The following CADM2 variants were observed in gnomAD, a reference collection of about 807,000 sequenced individuals.
CADM2 encodes the protein immunoglobulin superfamily member 4D.
Under a neutral mutation model 49.8 loss-of-function variants are expected in CADM2, and 12 were observed. The observed-to-expected ratio is 0.24, with a 90% confidence interval of 0.15 to 0.39. CADM2 has a LOEUF of 0.39. Ranked by LOEUF, CADM2 falls within the 10% of genes least tolerant of loss-of-function variation. CADM2 has a pLI of 1.00. For missense variants in CADM2, 378 were observed against 492.3 expected (o/e 0.77, Z 2.20); for synonymous variants, 214 against 175.4 (o/e 1.22, Z -1.74).
intron 1 of CADM2, among the ~76,000 whole-genome samples, chr3:85,549,664 C>A (rs1460350512): frequency 6.6e-6 from 1 of 152,108 alleles, no homozygotes; most frequent in South Asian, 2.1e-4. Flanking sequence ...GTCTCTGTCA[C>A]CCAGGCTGGA....
intron 1 of CADM2, among the ~76,000 whole-genome samples, chr3:85,240,944 G>T (rs952385447): frequency 2.0e-5 from 3 of 151,394 alleles, no homozygotes; most frequent in Non-Finnish European, 4.4e-5. Flanking sequence ...AGGGTAATTG[G>T]CAGATTCATT....
chr3:85,799,301 T>C (rs924723141), intron 2 of CADM2, among the ~76,000 whole-genome samples: 36 of 152,180 alleles, frequency 2.4e-4, no homozygotes, highest in African/African-American at 6.3e-4. Context: ...GAATTTCCAA[T>C]ACTATGTTGA....
intron 3 of CADM2, among the ~76,000 whole-genome samples, chr3:85,847,496 A>G (rs912907423): frequency 1.3e-5 from 2 of 152,224 alleles, no homozygotes; most frequent in African/African-American, 4.8e-5. Context: ...AATTTGTACA[A>G]TGGTGGATTT....
chr3:85,347,223 CAAAAAA>C (rs11331703), intron 1 of CADM2, among the ~76,000 whole-genome samples: 11 of 46,148 alleles, frequency 2.4e-4, no homozygotes, highest in Non-Finnish European at 2.8e-4. Flanking sequence ...CTCTGTCTCA[CAAAAAA>C]AAAAAAAAAA....
At chr3:85,640,575 G>T (rs187811826) in intron 1 of CADM2, among the ~76,000 whole-genome samples, 2 of 152,128 alleles carry the variant, frequency 1.3e-5, no homozygotes, top group Non-Finnish European at 2.9e-5. Flanking sequence ...TTAGGGAACA[G>T]CAAGACGTTT....
chr3:85,771,266 A>G (rs7621179), intron 2 of CADM2, among the ~76,000 whole-genome samples: 8,118 of 152,196 alleles, frequency 0.053, 378 homozygotes, highest in East Asian at 0.19. Context: ...TCTTAAACCC[A>G]TTGGTCAATT....
At chr3:85,910,990 A>C (rs572266236) in intron 5 of CADM2, among the ~76,000 whole-genome samples, 1 of 152,254 alleles carries the variant, frequency 6.6e-6, no homozygotes, top group South Asian at 2.1e-4. Flanking sequence ...TAAGGCACAA[A>C]GATAGAAAAA....
chr3:85,855,028 TC>T (rs1029448033), intron 3 of CADM2, among the ~76,000 whole-genome samples: 8 of 152,104 alleles, frequency 5.3e-5, no homozygotes, highest in African/African-American at 1.9e-4. Context: ...TCAGACCTCA[TC>T]AAAGGTCTCT....
chr3:85,042,160 T>A (rs2035467737), intron 1 of CADM2, among the ~76,000 whole-genome samples: 1 of 152,120 alleles, frequency 6.6e-6, no homozygotes, highest in Admixed American at 6.6e-5. Context: ...CAATGCATAC[T>A]CAGGGGTGTG....
At position 86,015,111 on chromosome 3, in the gene CADM2, G is replaced by A. The variant is rs770449233; in HGVS notation, c.971-50494G>A. ...TCCCACAGATAATTCCAAAACCATC[G>A]AAAATACCTAGGAGAGTTTTAAAAA... On this transcript the variant is annotated intron_variant, in intron 8 of 9. Coordinates refer to ENST00000383699, the MANE Select transcript of CADM2 (RefSeq NM_001167675.2). 533 of 557,478 alleles carry A rather than the reference G, an allele frequency of 9.6e-4. 2 individuals are homozygous for A. The highest frequency in any genetic ancestry group is 1.1e-3 in the East Asian group (36 of 33,358). 34.5% of individuals were successfully genotyped at this position (557,478 alleles called of 1,614,324 possible). A position where few individuals can be genotyped will look rare whatever the true frequency, so the allele number is the denominator to read the frequency against.
At chr3:85,351,736 C>G (rs779640259) in intron 1 of CADM2, among the ~76,000 whole-genome samples, 8 of 151,976 alleles carry the variant, frequency 5.3e-5, no homozygotes, top group Non-Finnish European at 1.0e-4. Flanking sequence ...GTTTTTAAAG[C>G]CTGGGCCTGT....
At chr3:85,304,258 A>G (rs532836915) in intron 1 of CADM2, among the ~76,000 whole-genome samples, 1 of 151,640 alleles carries the variant, frequency 6.6e-6, no homozygotes, top group South Asian at 2.1e-4. Flanking sequence ...TTCTTACCGT[A>G]CTCCTTCATG....
At chr3:85,229,790 C>T (rs2042244183) in intron 1 of CADM2, among the ~76,000 whole-genome samples, 1 of 152,150 alleles carries the variant, frequency 6.6e-6, no homozygotes. Flanking sequence ...CAAGTGTGAA[C>T]AACCTTTCTT....
At chr3:85,444,757 C>T (rs2037368448) in intron 1 of CADM2, among the ~76,000 whole-genome samples, 1 of 152,072 alleles carries the variant, frequency 6.6e-6, no homozygotes, top group Admixed American at 6.6e-5. Flanking sequence ...GAATGTCAGA[C>T]TTTTTGTCAT....
chr3:85,292,208 G>T (rs989947141), intron 1 of CADM2, among the ~76,000 whole-genome samples: 24 of 149,624 alleles, frequency 1.6e-4, no homozygotes, highest in Non-Finnish European at 2.9e-4. Context: ...TTACATAATG[G>T]TAAAGGGATC....
At chr3:85,945,249 A>G (rs969148169) in intron 7 of CADM2, among the ~76,000 whole-genome samples, 18 of 152,160 alleles carry the variant, frequency 1.2e-4, no homozygotes, top group African/African-American at 4.1e-4. Flanking sequence ...ATCTCTGAAT[A>G]GACCAATAAC....
At chr3:85,238,432 G>T (rs1173242346) in intron 1 of CADM2, among the ~76,000 whole-genome samples, 1 of 151,928 alleles carries the variant, frequency 6.6e-6, no homozygotes, top group Non-Finnish European at 1.5e-5. Flanking sequence ...CAAACAGTGT[G>T]GTCTCAGACC....
chr3:85,889,018 C>A (rs1181667989), intron 5 of CADM2, among the ~76,000 whole-genome samples: 7 of 152,056 alleles, frequency 4.6e-5, no homozygotes, highest in African/African-American at 1.4e-4. Context: ...CAATTAAATT[C>A]AATTCAATAA....
chr3:85,724,347 A>T (rs1048884129), intron 1 of CADM2, among the ~76,000 whole-genome samples: 4 of 151,888 alleles, frequency 2.6e-5, no homozygotes, highest in Admixed American at 2.0e-4. Context: ...CTTCATCTTT[A>T]TCCAGGATTT....
Sources: gnomAD v4.1 joint callset for allele counts (sites outside exome capture counted in the v4.1 genomes callset) on GRCh38, gnomAD v4.1.1 for gene constraint, MANE v1.5 for transcripts, NCBI Gene and HGNC (gene_info 2026-07-23, HGNC 2026-07-21) for gene names.